The following SPATA18 variants were observed in gnomAD, a reference collection of about 807,000 sequenced individuals.
SPATA18 encodes spermatogenesis associated 18.
SPATA18 carries 54 observed loss-of-function variants against 68.1 expected under a neutral mutation model. The observed-to-expected ratio is 0.79, with a 90% CI of 0.64 to 0.99. The LOEUF is 0.99. SPATA18 is among the 50% of genes least tolerant of loss of function. The probability of loss-of-function intolerance (pLI) is 0.00; values close to 1 mark genes in which losing one functional copy is unlikely to be tolerated. For missense variants in SPATA18, 724 were observed against 681.1 expected, an observed-to-expected ratio of 1.06 and a Z score of -0.70; for synonymous variants, 242 against 244.8, an observed-to-expected ratio of 0.99 and a Z score of 0.11.
chr4:52,081,026 A>G lies in SPATA18; in HGVS notation c.1355+1107A>G, dbSNP rs566594546. ...CATTGTCTTGCTTCTAGTTTCTCCA[A>G]CATGGATCAACTCATGGAAGAGCTG... On this transcript the variant is annotated intron_variant, in intron 9 of 12. Transcript: ENST00000295213. Among the ~76,000 whole-genome samples, 19 of 152,348 alleles carry G rather than the reference A, an allele frequency of 1.2e-4. No homozygotes were observed. The South Asian group carries it at 3.9e-3, about 32-fold the overall frequency.
chr4:52,062,341 A>T lies in SPATA18; in HGVS notation c.422+9A>T. 6.5e-7 allele frequency: 1 copy of T among 1,534,452 alleles called. No individual in the cohort carries two copies. The highest frequency in any genetic ancestry group is 8.9e-7 in the Non-Finnish European group (1 of 1,119,626). ...AACCAGGTTCAAGACGAGTAAGAGG[A>T]ATGCAAGTTATCTTTTTCCAAAAAG... is the stretch of plus-strand genomic sequence containing the variant. On this transcript the variant is annotated intron_variant, in intron 4 of 12. Coordinates refer to ENST00000295213, the MANE Select transcript of SPATA18 (RefSeq NM_145263.4).
chr4:52,076,791 C>A lies in SPATA18; in HGVS notation c.771C>A (p.Ser257Arg), dbSNP rs1243237904. Residue 257 changes from serine to arginine, a missense_variant, in exon 7 of 13, where the codon AGC becomes AGA. Transcript: ENST00000295213. Reference sequence around the variant, plus strand: ...CGCTCACCAACAGGTCCTCCAGGAGCCGGTCTCCCAGCCCTGCCCCTCGCA... The same window carrying A: ...CGCTCACCAACAGGTCCTCCAGGAGACGGTCTCCCAGCCCTGCCCCTCGCA... ...KSALQGRSSR[S>R]RSPSPAPRSR... 4 of 1,613,466 alleles carry A rather than the reference C, an allele frequency of 2.5e-6. No individual in the cohort carries two copies. Among genetic ancestry groups the A allele is most frequent in the South Asian group, 1.1e-5 (1 of 90,986 alleles).
chr4:52,093,425 A>G (rs533934291), intron 11 of SPATA18, among the ~76,000 whole-genome samples: 16 of 152,316 alleles, frequency 1.1e-4, no homozygotes, highest in African/African-American at 3.8e-4. Context: ...AAAATGACCT[A>G]AAAAATGATA....
chr4:52,088,283 C>T (rs913574474), intron 11 of SPATA18, among the ~76,000 whole-genome samples: 2 of 152,122 alleles, frequency 1.3e-5, no homozygotes, highest in African/African-American at 4.8e-5. Context: ...TGCCTGATTG[C>T]CCTGGCCAGA....
At chr4:52,083,832 C>T (rs1741164426) in intron 10 of SPATA18, among the ~76,000 whole-genome samples, 2 of 151,494 alleles carry the variant, frequency 1.3e-5, no homozygotes, top group African/African-American at 4.9e-5. Context: ...CCTCCGCCTC[C>T]CAGGTTCAAG....
chr4:52,093,998 A>G (rs1742203667), intron 11 of SPATA18, among the ~76,000 whole-genome samples: 1 of 152,168 alleles, frequency 6.6e-6, no homozygotes, highest in African/African-American at 2.4e-5. Flanking sequence ...CTTTATCAGC[A>G]TCTATTTATC....
intron 4 of SPATA18, among the ~76,000 whole-genome samples, chr4:52,063,327 T>C (rs773716421): frequency 2.0e-5 from 3 of 152,166 alleles, no homozygotes; most frequent in African/African-American, 7.2e-5. Flanking sequence ...AAATAAAAAT[T>C]GATGAAAATC....
chr4:52,082,003 A>G (rs976594417), intron 9 of SPATA18, among the ~76,000 whole-genome samples: 12 of 152,284 alleles, frequency 7.9e-5, no homozygotes, highest in African/African-American at 2.9e-4. Context: ...TTAGTTTCCA[A>G]TCCACCTACT....
intron 1 of SPATA18, among the ~76,000 whole-genome samples, chr4:52,054,457 G>A (rs73248604): frequency 0.012 from 1,784 of 152,274 alleles, 20 homozygotes; most frequent in Non-Finnish European, 0.019. Context: ...GGTAAGGCAG[G>A]AATTAATGAT....
rs1365479985 is a variant in SPATA18, at chr4:52,072,141, G to A, written c.743G>A (p.Ser248Asn). 1.9e-6 allele frequency: 3 copies of A among 1,613,960 alleles called. No individual in the cohort carries two copies. Among genetic ancestry groups the A allele is most frequent in the Admixed American group, 3.3e-5 (2 of 59,992 alleles). ...EEIAVLSAEK[S>N]ALQGRSSRSR... ...ATAGCTGTTCTGTCTGCTGAGAAAA[G>A]TGCACTCCAAGGAAGGTCAGACAAA... Residue 248 changes from serine (S) to asparagine (N), a missense_variant, in exon 6 of 13, where the codon AGT becomes AAT. Ser to Asn is a conservative substitution (Grantham distance 46, BLOSUM62 1). Transcript: ENST00000295213.
chr4:52,062,194 T>C (rs1348773882), intron 3 of SPATA18, 26 bp from the exon 4 acceptor site: 2 of 1,333,282 alleles, frequency 1.5e-6, no homozygotes, highest in Non-Finnish European at 1.0e-6. Flanking sequence ...CTGTTTTTTT[T>C]TTTTTTTTTT....
At chr4:52,060,375 G>T in intron 1 of SPATA18, 44 bp from the exon 2 acceptor site, 1 of 1,545,570 alleles carries the variant, frequency 6.5e-7, no homozygotes, top group South Asian at 1.2e-5. Flanking sequence ...GTGGGTCCCA[G>T]AGTGAAGTAA....
Position 52,062,157 on chromosome 4 carries a change from T to C in SPATA18, c.310-63T>C. On this transcript the variant is annotated intron_variant, in intron 3 of 12. Coordinates refer to ENST00000295213, the MANE Select transcript of SPATA18 (RefSeq NM_145263.4). ...TTGAGTTGGGCTGTTTTTTAAAAATTCATCCATGTCATTTAATGTATTCAG... is the reference window on the plus strand; with the variant it reads ...TTGAGTTGGGCTGTTTTTTAAAAATCCATCCATGTCATTTAATGTATTCAG... The C allele has an allele frequency of 2.9e-6, 3 of 1,051,188 alleles. No individual in the cohort carries two copies. In the South Asian group the frequency reaches 4.5e-5, roughly 16 times the overall value. The allele number at this position is 1,051,188 out of a possible 1,614,324, so 65.1% of individuals were successfully genotyped here.
In SPATA18 at chr4:52,080,405, T is replaced by C. The variant is rs141214677; in HGVS notation, c.1355+486T>C. Reference sequence around the variant, plus strand: ...AGGTGTTCCTTGTGCACACTAATGTTTGAAAATTAATGCTCTTGACTCTTT... The same window carrying C: ...AGGTGTTCCTTGTGCACACTAATGTCTGAAAATTAATGCTCTTGACTCTTT... On this transcript the variant is annotated intron_variant, in intron 9 of 12. Transcript: ENST00000295213. Among the ~76,000 whole-genome samples the C allele has an allele frequency of 4.2e-3, 644 of 152,296 alleles. 5 individuals are homozygous for C. The highest frequency in any genetic ancestry group is 0.015 in the African/African-American group (616 of 41,566).
In SPATA18 at chr4:52,082,280, A is replaced by G. The variant is rs1740993984; in HGVS notation, c.1356-107A>G. ...AAATAACAGAATTTGACCTATATTT[A>G]CTCAGATCTGAGCATAATACAAAAT... is the stretch of plus-strand genomic sequence containing the variant. On this transcript the variant is annotated intron_variant, in intron 9 of 12. Coordinates refer to ENST00000295213, the MANE Select transcript of SPATA18 (RefSeq NM_145263.4). 7.7e-6 allele frequency: 8 copies of G among 1,038,178 alleles called. No homozygotes were observed. In the South Asian group the frequency reaches 1.2e-4, roughly 16 times the overall value. 64.3% of individuals were successfully genotyped at this position (1,038,178 alleles called of 1,614,324 possible).
At chr4:52,068,805 C>T (rs901632889) in intron 4 of SPATA18, among the ~76,000 whole-genome samples, 3 of 152,140 alleles carry the variant, frequency 2.0e-5, no homozygotes, top group Non-Finnish European at 2.9e-5. Flanking sequence ...ACTCAAGTCT[C>T]ACTGTTCTGG....
intron 11 of SPATA18, among the ~76,000 whole-genome samples, chr4:52,092,862 G>A (rs575992174): frequency 3.7e-4 from 57 of 152,284 alleles, no homozygotes; most frequent in African/African-American, 1.2e-3. Context: ...GGATGGAGCT[G>A]AAGGTCATTA....
intron 11 of SPATA18, among the ~76,000 whole-genome samples, chr4:52,091,595 A>G (rs1037053762): frequency 6.6e-6 from 1 of 152,194 alleles, no homozygotes; most frequent in Non-Finnish European, 1.5e-5. Flanking sequence ...GGGTATCACC[A>G]GTGGAGGCTG....
intron 11 of SPATA18, among the ~76,000 whole-genome samples, chr4:52,089,876 A>G (rs1189171986): frequency 1.3e-5 from 2 of 152,168 alleles, no homozygotes; most frequent in Non-Finnish European, 1.5e-5. Context: ...TAATATTGAC[A>G]GTGGGGTGTT....
Sources: gnomAD v4.1 joint callset for allele counts (sites outside exome capture counted in the v4.1 genomes callset) on GRCh38, gnomAD v4.1.1 for gene constraint, MANE v1.5 for transcripts, NCBI Gene and HGNC (gene_info 2026-07-23, HGNC 2026-07-21) for gene names.